The following ZNF438 variants were observed in gnomAD, a reference collection of about 807,000 sequenced individuals.
ZNF438 encodes the protein zinc finger protein 438.
A neutral mutation model predicts 38.0 loss-of-function variants in ZNF438; 25 were observed. The ratio of observed to expected loss-of-function variants is 0.66; its 90% CI spans 0.48 to 0.92. The LOEUF is 0.92. Ranked by LOEUF, ZNF438 falls within the 40% of genes least tolerant of loss-of-function variation. ZNF438 has a pLI of 0.00. For missense variants in ZNF438, 1,007 were observed against 999.6 expected, an observed-to-expected ratio of 1.01 and a Z score of -0.10; for synonymous variants, 372 against 364.1, an observed-to-expected ratio of 1.02 and a Z score of -0.25.
chr10:30,846,497 G>A (rs1338873364), intron 5 of ZNF438, among the ~76,000 whole-genome samples: 1 of 152,228 alleles, frequency 6.6e-6, no homozygotes, highest in Non-Finnish European at 1.5e-5. Context: ...AGCACACTAG[G>A]GCATGCAGGA....
At chr10:30,940,284 A>T (rs929490838) in intron 2 of ZNF438, among the ~76,000 whole-genome samples, 1 of 152,218 alleles carries the variant, frequency 6.6e-6, no homozygotes, top group African/African-American at 2.4e-5. Flanking sequence ...AGGGTGGGAG[A>T]TAAGACAAAC....
intron 3 of ZNF438, among the ~76,000 whole-genome samples, chr10:30,902,652 G>A (rs7098600): frequency 0.01 from 1,590 of 152,288 alleles, 28 homozygotes; most frequent in African/African-American, 0.036. Context: ...CAAACCTTGA[G>A]CTAGACACAG....
intron 4 of ZNF438, among the ~76,000 whole-genome samples, chr10:30,867,210 ACAT>A (rs1293993648): frequency 6.6e-6 from 1 of 152,238 alleles, no homozygotes; most frequent in Non-Finnish European, 1.5e-5. Flanking sequence ...AACATATACA[ACAT>A]CACAACTGAC....
chr10:30,940,647 T>C (rs371612044), intron 2 of ZNF438, among the ~76,000 whole-genome samples: 7 of 152,130 alleles, frequency 4.6e-5, no homozygotes, highest in East Asian at 1.9e-4. Flanking sequence ...CAAGAGGGAG[T>C]TGGAAGCCAT....
At chr10:31,006,955 T>C (rs1221168475) in intron 1 of ZNF438, among the ~76,000 whole-genome samples, 3 of 152,038 alleles carry the variant, frequency 2.0e-5, no homozygotes, top group Non-Finnish European at 2.9e-5. Flanking sequence ...AAGGAGAGTA[T>C]CTGCATTATC....
At chr10:31,007,066 A>G (rs2055208119) in intron 1 of ZNF438, among the ~76,000 whole-genome samples, 1 of 152,098 alleles carries the variant, frequency 6.6e-6, no homozygotes, top group East Asian at 1.9e-4. Flanking sequence ...TTGCCCAGCC[A>G]CTGCTGTCTC....
At chr10:30,902,581 A>C (rs1383844457) in intron 3 of ZNF438, among the ~76,000 whole-genome samples, 2 of 152,166 alleles carry the variant, frequency 1.3e-5, no homozygotes, top group Admixed American at 6.5e-5. Context: ...TTAGCTAGAC[A>C]TAAAGATTCT....
chr10:30,928,328 T>C (rs563797162), intron 2 of ZNF438, among the ~76,000 whole-genome samples: 155 of 152,252 alleles, frequency 1.0e-3, no homozygotes, highest in South Asian at 2.1e-4. Context: ...ATCTGAAAAA[T>C]ATGCCTGCTA....
intron 3 of ZNF438, among the ~76,000 whole-genome samples, chr10:30,890,050 T>C (rs919894772): frequency 2.4e-5 from 3 of 123,074 alleles, no homozygotes; most frequent in Admixed American, 8.9e-5. Flanking sequence ...CAGAATTCTT[T>C]ACAAAGAAAG....
At chr10:30,898,293 A>G (rs1002120064) in intron 3 of ZNF438, among the ~76,000 whole-genome samples, 3 of 152,212 alleles carry the variant, frequency 2.0e-5, no homozygotes, top group African/African-American at 7.2e-5. Context: ...AATAAAGTAG[A>G]TCTAGGGAGA....
At chr10:30,937,186 A>G (rs1165011117) in intron 2 of ZNF438, among the ~76,000 whole-genome samples, 1 of 152,144 alleles carries the variant, frequency 6.6e-6, no homozygotes, top group African/African-American at 2.4e-5. Flanking sequence ...GCCCAAATGG[A>G]GGGTGAGGGG....
intron 1 of ZNF438, among the ~76,000 whole-genome samples, chr10:30,974,923 G>A (rs1480536289): frequency 6.6e-6 from 1 of 152,094 alleles, no homozygotes; most frequent in Non-Finnish European, 1.5e-5. Context: ...CAGCCCATGT[G>A]CTTTCCAGAA....
At chr10:30,857,394 A>G (rs762556808) in intron 4 of ZNF438, among the ~76,000 whole-genome samples, 1 of 151,906 alleles carries the variant, frequency 6.6e-6, no homozygotes, top group Non-Finnish European at 1.5e-5. Flanking sequence ...AGCTGGGATC[A>G]CAGGCATGTG....
At chr10:30,980,265 A>C (rs569462167) in intron 1 of ZNF438, among the ~76,000 whole-genome samples, 1 of 151,864 alleles carries the variant, frequency 6.6e-6, no homozygotes, top group African/African-American at 2.4e-5. Flanking sequence ...AAAAAAAAAA[A>C]AAAAAACACC....
At chr10:30,960,389 G>C (rs1345397936) in intron 1 of ZNF438, among the ~76,000 whole-genome samples, 2 of 147,274 alleles carry the variant, frequency 1.4e-5, no homozygotes, top group Non-Finnish European at 3.1e-5. Flanking sequence ...TCTTTTAGAA[G>C]TTTTATAATT....
intron 2 of ZNF438, among the ~76,000 whole-genome samples, chr10:30,924,747 A>G (rs1326787623): frequency 6.6e-6 from 1 of 152,218 alleles, no homozygotes; most frequent in East Asian, 1.9e-4. Context: ...AGACAAGAAA[A>G]GATCAAGAAA....
intron 3 of ZNF438, among the ~76,000 whole-genome samples, chr10:30,902,802 G>A (rs1222941882): frequency 2.0e-5 from 3 of 152,362 alleles, no homozygotes; most frequent in African/African-American, 4.8e-5. Context: ...GTCCCGCAGT[G>A]TGCCCGCACT....
intron 1 of ZNF438, among the ~76,000 whole-genome samples, chr10:31,014,083 T>C (rs752633050): frequency 2.7e-5 from 4 of 149,918 alleles, no homozygotes; most frequent in Non-Finnish European, 4.4e-5. Context: ...TCTCTTGGCT[T>C]CAGTAACATT....
chr10:30,973,116 T>C (rs1015985528), intron 1 of ZNF438, among the ~76,000 whole-genome samples: 4 of 152,196 alleles, frequency 2.6e-5, no homozygotes, highest in African/African-American at 9.6e-5. Context: ...GTTAACGCTG[T>C]AGTTCTAGAA....
Sources: gnomAD v4.1 joint callset for allele counts (sites outside exome capture counted in the v4.1 genomes callset) on GRCh38, gnomAD v4.1.1 for gene constraint, MANE v1.5 for transcripts, NCBI Gene and HGNC (gene_info 2026-07-23, HGNC 2026-07-21) for gene names.